Variants in KCNC2 observed in about 807,000 individuals in gnomAD.
KCNC2 encodes potassium voltage-gated channel subfamily C member 2, also known as voltage-gated potassium channel KCNC2.
Under a neutral mutation model 44.5 loss-of-function variants are expected in KCNC2, and 21 were observed. The ratio of observed to expected loss-of-function variants is 0.47; its 90% CI spans 0.33 to 0.68. The LOEUF (loss-of-function observed/expected upper bound fraction) is 0.68. KCNC2 is among the 30% of genes least tolerant of loss of function. KCNC2 has a pLI of 0.01. For synonymous variants in KCNC2, 391 were observed against 339.1 expected (o/e 1.15, Z -1.68); for missense variants, 589 against 826.2 (o/e 0.71, Z 3.52).
At position 75,209,208 on chromosome 12, in the gene KCNC2, T is replaced by G. The variant is rs1287396747; in HGVS notation, c.-21A>C. 7 of 152,402 alleles carry G rather than the reference T, an allele frequency of 4.6e-5. No individual in the cohort carries two copies. The highest frequency in any genetic ancestry group is 4.6e-4 in the Admixed American group (7 of 15,282). The allele number at this position is 152,402 out of a possible 1,614,324, so 9.4% of individuals were successfully genotyped here. ...ACCCCCGCCCCCATTTCCAGATACC[T>G]TAACGAGACCGAGAGAAAAGTGGTT... On this transcript the variant is annotated splice_region_variant and 5_prime_UTR_variant, in exon 1 of 5. An upstream open reading frame in the 5' UTR loses its in-frame stop. Transcript: ENST00000549446.
In KCNC2 at chr12:75,055,383, G is replaced by A. The variant is rs143563799; in HGVS notation, c.688-4066C>T. ...GAACTGGCTTATGGGTCCAAATGTC[G>A]TCAATAGTACCTTCCATTCATTCTC... On this transcript the variant is annotated intron_variant, in intron 2 of 4. Transcript: ENST00000549446. 2.0e-3 allele frequency among the ~76,000 whole-genome samples: 310 copies of A among 152,112 alleles called. 1 individual carries two copies. Among genetic ancestry groups the A allele is most frequent in the African/African-American group, 6.8e-3 (284 of 41,510 alleles).
At chr12:75,066,292 A>G (rs568477224) in intron 2 of KCNC2, among the ~76,000 whole-genome samples, 1 of 152,270 alleles carries the variant, frequency 6.6e-6, no homozygotes, top group East Asian at 1.9e-4. Flanking sequence ...CAAACACTCA[A>G]AGCTTGAGCT....
chr12:75,084,290 T>TAGATAGATAGATAGATAGATGATA (rs200893949), intron 2 of KCNC2, among the ~76,000 whole-genome samples: 1 of 123,656 alleles, frequency 8.1e-6, no homozygotes, highest in African/African-American at 3.6e-5. Context: ...GATAGATAGA[T>TAGATAGATAGATAGATAGATGATA]GATAGATAGA....
intron 2 of KCNC2, among the ~76,000 whole-genome samples, chr12:75,110,350 C>G (rs1452727338): frequency 6.6e-6 from 1 of 152,036 alleles, no homozygotes; most frequent in Non-Finnish European, 1.5e-5. Context: ...TAGAACTTAT[C>G]CAAAATACTA....
rs145521748 is a variant in KCNC2, at chr12:75,171,046, A to G, written c.687+36251T>C. 1.7e-3 allele frequency among the ~76,000 whole-genome samples: 248 copies of G among 143,196 alleles called. 1 individual carries two copies. The highest frequency in any genetic ancestry group is 6.5e-3 in the African/African-American group (237 of 36,622). 93.9% of individuals were successfully genotyped at this position (143,196 alleles called of 152,430 possible). ...CTTAACCACCTGGGCCTCTCACAAT[A>G]TGGCAGCTTACTCCTTCAAAGCCAG... On this transcript the variant is annotated intron_variant, in intron 2 of 4. Coordinates refer to ENST00000549446, the MANE Select transcript of KCNC2 (RefSeq NM_139137.4).
Position 75,099,678 on chromosome 12 carries a change from T to C in KCNC2, c.688-48361A>G, listed in dbSNP as rs141541407. 3.7e-3 allele frequency among the ~76,000 whole-genome samples: 561 copies of C among 152,314 alleles called. 2 individuals are homozygous for C. Among genetic ancestry groups the C allele is most frequent in the African/African-American group, 0.013 (536 of 41,584 alleles). On this transcript the variant is annotated intron_variant, in intron 2 of 4. Coordinates refer to ENST00000549446, the MANE Select transcript of KCNC2 (RefSeq NM_139137.4). ...TGAGGGAAATAAACTCAGCTTTTGC[T>C]CAAATACAAGATTTCTATTATCCTC...
At chr12:75,088,597 T>C (rs1421010405) in intron 2 of KCNC2, among the ~76,000 whole-genome samples, 1 of 152,036 alleles carries the variant, frequency 6.6e-6, no homozygotes, top group Non-Finnish European at 1.5e-5. Context: ...CTCTCTTTAA[T>C]TTCACAAGTA....
At chr12:75,048,729 G>A (rs1880831987) in intron 3 of KCNC2, among the ~76,000 whole-genome samples, 1 of 152,038 alleles carries the variant, frequency 6.6e-6, no homozygotes, top group Non-Finnish European at 1.5e-5. Flanking sequence ...TTGGCTTTGT[G>A]GTTTTTTAAG....
intron 2 of KCNC2, among the ~76,000 whole-genome samples, chr12:75,155,905 G>A (rs7978569): frequency 0.13 from 19,892 of 151,754 alleles, 1,519 homozygotes; most frequent in Middle Eastern, 0.27. Context: ...CCAAAGAAAT[G>A]GGACTGTACA....
chr12:75,156,240 T>A (rs913689655), intron 2 of KCNC2, among the ~76,000 whole-genome samples: 2 of 147,980 alleles, frequency 1.4e-5, no homozygotes, highest in Non-Finnish European at 3.0e-5. Context: ...CAAATCTGAC[T>A]CTCGAAACAT....
intron 2 of KCNC2, among the ~76,000 whole-genome samples, chr12:75,170,106 T>A (rs1891713346): frequency 6.6e-6 from 1 of 151,740 alleles, no homozygotes; most frequent in Non-Finnish European, 1.5e-5. Context: ...CTTTTTCTTT[T>A]CTCAAGGTGA....
At chr12:75,136,023 G>A (rs1034490920) in intron 2 of KCNC2, among the ~76,000 whole-genome samples, 2 of 151,876 alleles carry the variant, frequency 1.3e-5, no homozygotes, top group South Asian at 4.1e-4. Context: ...AGACAAATAT[G>A]TCAAACACTC....
chr12:75,138,219 A>G (rs1372605934), intron 2 of KCNC2, among the ~76,000 whole-genome samples: 2 of 152,186 alleles, frequency 1.3e-5, no homozygotes, highest in African/African-American at 2.4e-5. Flanking sequence ...TGCCAATGGG[A>G]AAAAAATCCA....
At chr12:75,177,185 A>G (rs1220929095) in intron 2 of KCNC2, among the ~76,000 whole-genome samples, 1 of 151,644 alleles carries the variant, frequency 6.6e-6, no homozygotes, top group Non-Finnish European at 1.5e-5. Context: ...AATAAAGTGA[A>G]ACTTAATGGG....
At chr12:75,136,316 GAAAAAAAGAAA>G in intron 2 of KCNC2, among the ~76,000 whole-genome samples, 3 of 151,460 alleles carry the variant, frequency 2.0e-5, no homozygotes, top group Admixed American at 6.6e-5. Context: ...AAAGCTAGTA[GAAAAAAAGAAA>G]TAACAAAAAT....
At chr12:75,200,401 T>A (rs536449238) in intron 2 of KCNC2, among the ~76,000 whole-genome samples, 2 of 151,880 alleles carry the variant, frequency 1.3e-5, no homozygotes, top group African/African-American at 2.4e-5. Context: ...CAGAAGTCTA[T>A]CACATATTTC....
At chr12:75,123,138 C>A in intron 2 of KCNC2, among the ~76,000 whole-genome samples, 1 of 151,884 alleles carries the variant, frequency 6.6e-6, no homozygotes, top group Non-Finnish European at 1.5e-5. Flanking sequence ...TCTCTAATTT[C>A]ATTACATAAA....
chr12:75,070,141 A>T (rs1437198709), intron 2 of KCNC2, among the ~76,000 whole-genome samples: 1 of 152,196 alleles, frequency 6.6e-6, no homozygotes, highest in Admixed American at 6.5e-5. Context: ...TTTTCTGCCT[A>T]GTTTGTGTTG....
At chr12:75,138,542 T>G (rs891101955) in intron 2 of KCNC2, among the ~76,000 whole-genome samples, 1 of 152,224 alleles carries the variant, frequency 6.6e-6, no homozygotes, top group African/African-American at 2.4e-5. Context: ...CATATTTTAA[T>G]AGCCTTCCAA....
Sources: gnomAD v4.1 joint callset for allele counts (sites outside exome capture counted in the v4.1 genomes callset) on GRCh38, gnomAD v4.1.1 for gene constraint, MANE v1.5 for transcripts, NCBI Gene and HGNC (gene_info 2026-07-23, HGNC 2026-07-21) for gene names.